PPP1R9B: variants seen among roughly 807,000 people sequenced by gnomAD.
PPP1R9B encodes the protein protein phosphatase 1 regulatory subunit 9B.
Under a neutral mutation model 75.8 loss-of-function variants are expected in PPP1R9B, and 17 were observed. The observed-to-expected ratio is 0.22, with a 90% confidence interval of 0.15 to 0.34. PPP1R9B has a LOEUF of 0.34. Among genes scored for constraint, PPP1R9B ranks in the 10% least tolerant of loss-of-function variants. The pLI is 1.00. For missense variants in PPP1R9B, 875 were observed against 1,196.0 expected (o/e 0.73, Z 3.96); for synonymous variants, 509 against 535.4 (o/e 0.95, Z 0.68).
rs1018504345 is a variant in PPP1R9B, at chr17:50,135,930, C to G, written c.2303+38G>C. ...GACTGTCCCCAAAAGCCTCTCAATG[C>G]TCCCTGGGCCCAGCCCGCCCAGCCC... On this transcript the variant is annotated intron_variant, in intron 8 of 9. Coordinates refer to ENST00000612501, the MANE Select transcript of PPP1R9B (RefSeq NM_032595.5). The G allele has an allele frequency of 2.8e-5, 40 of 1,439,814 alleles. 1 individual carries two copies. The highest frequency in any genetic ancestry group is 3.8e-5 in the Non-Finnish European group (40 of 1,055,612). The allele number at this position is 1,439,814 out of a possible 1,614,324, so 89.2% of individuals were successfully genotyped here.
chr17:50,141,463 C>T (rs988020184), intron 3 of PPP1R9B, 90 bp from the exon 4 acceptor site: 3 of 768,822 alleles, frequency 3.9e-6, no homozygotes, highest in South Asian at 1.7e-5. Context: ...CCAGGCTCCC[C>T]AGCCTGAGTA....
At position 50,135,068 on chromosome 17, in the gene PPP1R9B, G is replaced by T; in HGVS notation, c.*263C>A. 1 of 540,550 alleles carries T rather than the reference G, an allele frequency of 1.8e-6. No individual in the cohort carries two copies. Among genetic ancestry groups the T allele is most frequent in the South Asian group, 2.2e-5 (1 of 44,982 alleles). 33.5% of individuals were successfully genotyped at this position (540,550 alleles called of 1,614,324 possible). A position where few individuals can be genotyped will look rare whatever the true frequency, so the allele number is the denominator to read the frequency against. On this transcript the variant is annotated 3_prime_UTR_variant, in exon 10 of 10. Transcript: ENST00000612501. ...CCGTCGACCACCAGGCCAGCCCTCG[G>T]CAGCCCTCGGCCTCTGTGCCTCAGC...
chr17:50,138,057 A>C (rs1354848162), intron 7 of PPP1R9B, among the ~76,000 whole-genome samples: 2 of 152,182 alleles, frequency 1.3e-5, no homozygotes, highest in Admixed American at 1.3e-4. Flanking sequence ...GTCCCAGCAG[A>C]GGCCCCATAC....
chr17:50,135,943 G>GCCCCCCC, intron 8 of PPP1R9B, 25 bp downstream of exon 8: 1 of 973,290 alleles, frequency 1.0e-6, no homozygotes, highest in Non-Finnish European at 1.6e-6. Flanking sequence ...CCTGGGCCCA[G>GCCCCCCC]CCCGCCCAGC....
chr17:50,135,062 C>A lies in PPP1R9B; in HGVS notation c.*269G>T. ...TTGTGTCCGTCGACCACCAGGCCAG[C>A]CCTCGGCAGCCCTCGGCCTCTGTGC... On this transcript the variant is annotated 3_prime_UTR_variant, in exon 10 of 10. Transcript: ENST00000612501. 2 of 532,486 alleles carry A rather than the reference C, an allele frequency of 3.8e-6. No homozygotes were observed. The highest frequency in any genetic ancestry group is 6.4e-5 in the Admixed American group (2 of 31,038). 33.0% of individuals were successfully genotyped at this position (532,486 alleles called of 1,614,324 possible). A position where few individuals can be genotyped will look rare whatever the true frequency, so the allele number is the denominator to read the frequency against.
Position 50,139,944 on chromosome 17 carries a change from C to A in PPP1R9B, c.1866+149G>T. The stretch of plus-strand genomic sequence containing the variant: ...GAGGACTGTGTATTCCTTGTCCGGC[C>A]TCTGAAGACAAAGAGTGTGACTGGA... On this transcript the variant is annotated intron_variant, in intron 5 of 9. Coordinates refer to ENST00000612501, the MANE Select transcript of PPP1R9B (RefSeq NM_032595.5). The surrounding 1 kb of genome is among the most constrained non-coding windows in gnomAD (Gnocchi z 5.0). 1 of 897,444 alleles carries A rather than the reference C, an allele frequency of 1.1e-6. No homozygotes were observed. Among genetic ancestry groups the A allele is most frequent in the Admixed American group, 2.8e-5 (1 of 35,278 alleles). The allele number at this position is 897,444 out of a possible 1,614,324, so 55.6% of individuals were successfully genotyped here.
At chr17:50,145,458 A>G (rs1291427443) in intron 1 of PPP1R9B, among the ~76,000 whole-genome samples, 1 of 152,214 alleles carries the variant, frequency 6.6e-6, no homozygotes, top group Non-Finnish European at 1.5e-5. Flanking sequence ...AAAGGGACCC[A>G]GCCTTGGCAG....
rs778316957 is a variant in PPP1R9B at position 50,149,626 on chromosome 17, G to A, written c.888C>T (p.Arg296=). The change falls in exon 1 of 10, where the codon CGC becomes CGT. Residue 296 remains arginine, a synonymous_variant. Transcript: ENST00000612501. This position sits in a 1 kb window ranked among gnomAD's most constrained non-coding sequence, Gnocchi z 7.2. ...ARPPPKPREV[R]KIKPVEVEES... ...CCTCCACCTCCACCGGCTTAATCTTGCGCACCTCCCGGGGCTTGGGGGGCG... is the reference window on the plus strand; with the variant it reads ...CCTCCACCTCCACCGGCTTAATCTTACGCACCTCCCGGGGCTTGGGGGGCG... 2.6e-6 allele frequency: 4 copies of A among 1,539,052 alleles called. No individual in the cohort carries two copies. The South Asian group carries it at 4.8e-5, about 18-fold the overall frequency.
chr17:50,138,021 T>C lies in PPP1R9B; in HGVS notation c.2073+1242A>G, dbSNP rs578047711. Reference sequence around the variant, plus strand: ...TCTCCCCACCACGGCAGAAGCCCCATAGGTACTGGGACTCCTATAGTCTAG... The same window carrying C: ...TCTCCCCACCACGGCAGAAGCCCCACAGGTACTGGGACTCCTATAGTCTAG... On this transcript the variant is annotated intron_variant, in intron 7 of 9. Transcript: ENST00000612501. Among the ~76,000 whole-genome samples, 9 of 152,288 alleles carry C rather than the reference T, an allele frequency of 5.9e-5. 1 individual carries two copies. The South Asian group carries it at 6.2e-4, about 11-fold the overall frequency.
At chr17:50,143,487 G>A (rs1217303579) in intron 3 of PPP1R9B, 111 bp downstream of exon 3, 11 of 1,365,512 alleles carry the variant, frequency 8.1e-6, no homozygotes, top group East Asian at 2.4e-5. Context: ...CACACAGCAC[G>A]GAAATCTCCC....
At position 50,141,379 on chromosome 17, in the gene PPP1R9B, G is replaced by A. The variant is rs377688291; in HGVS notation, c.1626-6C>T. On this transcript the variant is annotated splice_region_variant and splice_polypyrimidine_tract_variant and intron_variant, in intron 3 of 9. Coordinates refer to ENST00000612501, the MANE Select transcript of PPP1R9B (RefSeq NM_032595.5). ...GGAGATCATTCACCTGGATCCTAGC[G>A]GAGTGACATTGGTTAAGGGGTCACA... 2.7e-5 allele frequency: 42 copies of A among 1,564,696 alleles called. No individual in the cohort carries two copies. Among genetic ancestry groups the A allele is most frequent in the African/African-American group, 1.5e-4 (11 of 73,324 alleles).
chr17:50,149,924 T>C lies in PPP1R9B; in HGVS notation c.590A>G (p.Asp197Gly). 1 of 1,510,940 alleles carries C rather than the reference T, an allele frequency of 6.6e-7. No homozygotes were observed. The highest frequency in any genetic ancestry group is 2.1e-5 in the Admixed American group (1 of 48,646). 93.6% of individuals were successfully genotyped at this position (1,510,940 alleles called of 1,614,324 possible). ...GGACACGGCGTCAGCGTCCAGCTTG[T>C]CCAGCGCCTCGGTGCTGCCGTTGAA... ...VRFNGSTEAL[D>G]KLDADAVSPT... Residue 197 changes from aspartate (D) to glycine (G), a missense_variant, in exon 1 of 10, where the codon GAC becomes GGC. By Grantham distance (94) the Asp-to-Gly change is moderately conservative. Transcript: ENST00000612501. The surrounding 1 kb of genome is among the most constrained non-coding windows in gnomAD (Gnocchi z 7.2).
At position 50,150,008 on chromosome 17, in the gene PPP1R9B, C is replaced by T. The variant is rs367543201; in HGVS notation, c.506G>A (p.Arg169Gln). The change falls in exon 1 of 10, where the codon CGG becomes CAG. Residue 169 changes from arginine to glutamine, a missense_variant. Coordinates refer to ENST00000612501, the MANE Select transcript of PPP1R9B (RefSeq NM_032595.5). The surrounding 1 kb of genome is among the most constrained non-coding windows in gnomAD (Gnocchi z 8.7). Reference sequence around the variant, plus strand: ...GCCGGCGCGCTCCTGCCTCAGCAGCCGCCGCGCCGCGGCCTCCTTGTCGCC... The same window carrying T: ...GCCGGCGCGCTCCTGCCTCAGCAGCTGCCGCGCCGCGGCCTCCTTGTCGCC... ...AGGDKEAAAR[R>Q]LLRQERAGLQ... The T allele has an allele frequency of 2.7e-6, 4 of 1,487,200 alleles. No homozygotes were observed. In the African/African-American group the frequency reaches 4.4e-5, roughly 16 times the overall value. The allele number at this position is 1,487,200 out of a possible 1,614,324, so 92.1% of individuals were successfully genotyped here.
Position 50,150,034 on chromosome 17 carries a change from G to A in PPP1R9B, c.480C>T (p.Gly160=), listed in dbSNP as rs557983411. 21 of 1,469,176 alleles carry A rather than the reference G, an allele frequency of 1.4e-5. No homozygotes were observed. Among genetic ancestry groups the A allele is most frequent in the East Asian group, 3.0e-5 (1 of 33,864 alleles). The allele number at this position is 1,469,176 out of a possible 1,614,324, so 91.0% of individuals were successfully genotyped here. A position where few individuals can be genotyped will look rare whatever the true frequency, so the allele number is the denominator to read the frequency against. ...GCCGCGCCGCGGCCTCCTTGTCGCC[G>A]CCTGCGGCCGCTGGGGCGCTCCGTT... ...LFERSAPAAA[G]GDKEAAARRL... Residue 160 remains glycine, a synonymous_variant, in exon 1 of 10, where the codon GGC becomes GGT. Transcript: ENST00000612501. This position sits in a 1 kb window ranked among gnomAD's most constrained non-coding sequence, Gnocchi z 8.7.
rs1313018146 is a variant in PPP1R9B, at chr17:50,149,702, C to T, written c.812G>A (p.Arg271Gln). The T allele has an allele frequency of 2.1e-6, 3 of 1,418,502 alleles. No individual in the cohort carries two copies. The highest frequency in any genetic ancestry group is 5.7e-5 in the East Asian group (2 of 34,992). 87.9% of individuals were successfully genotyped at this position (1,418,502 alleles called of 1,614,324 possible). The change falls in exon 1 of 10, where the codon CGA becomes CAA. Residue 271 changes from arginine (R) to glutamine (Q), a missense_variant. Physicochemically the swap from Arg to Gln is conservative, Grantham distance 43. Coordinates refer to ENST00000612501, the MANE Select transcript of PPP1R9B (RefSeq NM_032595.5). This position sits in a 1 kb window ranked among gnomAD's most constrained non-coding sequence, Gnocchi z 7.2. Reference sequence around the variant, plus strand: ...CGGGGGCTGCTGCCCTGCGGGGCATCGCTCTTTCTCGGCCGGGGCATCCCC... The same window carrying T: ...CGGGGGCTGCTGCCCTGCGGGGCATTGCTCTTTCTCGGCCGGGGCATCCCC... ...PSGDAPAEKE[R>Q]CPAGQQPPQH... is the part of the protein sequence containing the mutation.
rs1912673774 is a variant in PPP1R9B at position 50,150,637 on chromosome 17, TC to T, written c.-125del. The T allele has an allele frequency of 2.1e-6, 2 of 967,192 alleles. No homozygotes were observed. The highest frequency in any genetic ancestry group is 2.6e-6 in the Non-Finnish European group (2 of 772,738). The allele number at this position is 967,192 out of a possible 1,614,324, so 59.9% of individuals were successfully genotyped here. The stretch of plus-strand genomic sequence containing the variant: ...GAAACCCCGAAGGCCTTTTTTAGGG[TC>T]CCCCCAAAACCAAGCTGCCAAAAAC... On this transcript the variant is annotated 5_prime_UTR_variant, in exon 1 of 10. Coordinates refer to ENST00000612501, the MANE Select transcript of PPP1R9B (RefSeq NM_032595.5). This position sits in a 1 kb window ranked among gnomAD's most constrained non-coding sequence, Gnocchi z 8.7.
rs1912635118 is a variant in PPP1R9B, at chr17:50,149,792, G to C, written c.722C>G (p.Ser241Trp). 3 of 1,414,004 alleles carry C rather than the reference G, an allele frequency of 2.1e-6. No individual in the cohort carries two copies. Among genetic ancestry groups the C allele is most frequent in the Middle Eastern group, 1.8e-4 (1 of 5,468 alleles). 87.6% of individuals were successfully genotyped at this position (1,414,004 alleles called of 1,614,324 possible). Residue 241 changes from serine (S) to tryptophan (W), a missense_variant, in exon 1 of 10, where the codon TCG (serine) becomes TGG (tryptophan). This residue lies in a region of PPP1R9B where 449 missense variants were observed against 475.0 expected (regional missense o/e 0.95). Transcript: ENST00000612501. This position sits in a 1 kb window ranked among gnomAD's most constrained non-coding sequence, Gnocchi z 7.2. ...PRAAGVPQVN[S>W]KLVSKRSRVF... is the part of the protein sequence containing the mutation. ...CCGGGACCGCTTGCTGACCAGCTTC[G>C]AGTTGACCTGGGGAACCCCTGCGGC...
intron 2 of PPP1R9B, 30 bp from the exon 3 acceptor site, chr17:50,143,748 G>C (rs754071233): frequency 6.2e-7 from 1 of 1,613,154 alleles, no homozygotes; most frequent in South Asian, 1.1e-5. Context: ...GAGATGGCAG[G>C]GCTTGTAGGG....
In PPP1R9B at chr17:50,139,164, G is replaced by T; in HGVS notation, c.2073+99C>A. On this transcript the variant is annotated intron_variant, in intron 7 of 9. Transcript: ENST00000612501. The surrounding 1 kb of genome is among the most constrained non-coding windows in gnomAD (Gnocchi z 5.0). ...AGAGCAGCTTGTTCTGTGGGTACCT[G>T]TGCCTAAGTGTCAGCATGTGCAGGT... The T allele has an allele frequency of 7.5e-7, 1 of 1,341,490 alleles. No individual in the cohort carries two copies. The highest frequency in any genetic ancestry group is 1.1e-6 in the Non-Finnish European group (1 of 932,204). The allele number at this position is 1,341,490 out of a possible 1,614,324, so 83.1% of individuals were successfully genotyped here.
Sources: allele counts gnomAD v4.1 joint callset (sites outside exome capture counted in the v4.1 genomes callset), GRCh38; gene constraint gnomAD v4.1.1; regional missense constraint gnomAD v4.1.1; non-coding constraint Gnocchi (gnomAD v3.1); transcripts MANE v1.5; gene names NCBI Gene and HGNC (gene_info 2026-07-23, HGNC 2026-07-21).